OSBPL10: variants seen among roughly 807,000 people sequenced by gnomAD.
OSBPL10 encodes oxysterol binding protein like 10, also known as oxysterol-binding protein-related protein 10.
OSBPL10 carries 49 observed loss-of-function variants against 81.7 expected under a neutral mutation model. The observed-to-expected ratio is 0.60, with a 90% CI of 0.48 to 0.76. The LOEUF (loss-of-function observed/expected upper bound fraction) is 0.76. OSBPL10 is among the 30% of genes least tolerant of loss of function. The pLI is 0.00. For missense variants in OSBPL10, 923 were observed against 987.8 expected, an observed-to-expected ratio of 0.93 and a Z score of 0.88; for synonymous variants, 419 against 383.6, an observed-to-expected ratio of 1.09 and a Z score of -1.08.
chr3:31,785,687 C>T (rs577090512), intron 4 of OSBPL10, among the ~76,000 whole-genome samples: 20 of 152,150 alleles, frequency 1.3e-4, no homozygotes, highest in East Asian at 3.9e-4. Context: ...TAGATTGCCT[C>T]GGCATGTTTC....
At chr3:32,028,282 A>G (rs905852924) in intron 2 of OSBPL10, among the ~76,000 whole-genome samples, 1 of 152,244 alleles carries the variant, frequency 6.6e-6, no homozygotes, top group African/African-American at 2.4e-5. Context: ...CCACTATACT[A>G]AGGAACTCAA....
intron 1 of OSBPL10, among the ~76,000 whole-genome samples, chr3:31,945,831 C>T (rs1014333824): frequency 1.3e-5 from 2 of 152,280 alleles, no homozygotes; most frequent in South Asian, 2.1e-4. Flanking sequence ...GTACGAATAA[C>T]GTATCATGCA....
intron 3 of OSBPL10, among the ~76,000 whole-genome samples, chr3:31,869,354 C>T (rs915057642): frequency 2.0e-5 from 3 of 152,160 alleles, no homozygotes; most frequent in Admixed American, 1.3e-4. Flanking sequence ...ATGGATATAT[C>T]CAATTAATCA....
At chr3:31,932,215 A>G (rs563245731) in intron 1 of OSBPL10, among the ~76,000 whole-genome samples, 3 of 152,226 alleles carry the variant, frequency 2.0e-5, no homozygotes, top group Non-Finnish European at 4.4e-5. Context: ...TTTGCCAATG[A>G]TAAGTTTATG....
chr3:31,846,825 G>T (rs1054039907), intron 3 of OSBPL10, among the ~76,000 whole-genome samples: 2 of 152,082 alleles, frequency 1.3e-5, no homozygotes, highest in Non-Finnish European at 1.5e-5. Flanking sequence ...TCAAAGCTGG[G>T]ATGAAAAACC....
intron 6 of OSBPL10, among the ~76,000 whole-genome samples, chr3:31,728,483 T>TA (rs770108237): frequency 2.6e-5 from 4 of 152,170 alleles, no homozygotes; most frequent in Non-Finnish European, 4.4e-5. Flanking sequence ...ATTTTACCCA[T>TA]AAAAAATATG....
intron 1 of OSBPL10, among the ~76,000 whole-genome samples, chr3:32,072,843 G>A (rs115485779): frequency 4.5e-4 from 68 of 152,212 alleles, no homozygotes; most frequent in Non-Finnish European, 8.8e-4. Context: ...GAAGGCCACC[G>A]CGGTCCTATC....
At chr3:31,817,297 G>A (rs1699861836) in intron 4 of OSBPL10, among the ~76,000 whole-genome samples, 1 of 152,184 alleles carries the variant, frequency 6.6e-6, no homozygotes, top group African/African-American at 2.4e-5. Context: ...AGGGCCCCAA[G>A]GCTTGGCCCC....
chr3:31,759,226 G>C (rs1460380688), intron 4 of OSBPL10, among the ~76,000 whole-genome samples: 1 of 152,132 alleles, frequency 6.6e-6, no homozygotes, highest in African/African-American at 2.4e-5. Flanking sequence ...AGAAGGCAAA[G>C]GATCAGTGAG....
intron 2 of OSBPL10, among the ~76,000 whole-genome samples, chr3:31,992,133 G>T (rs1057480735): frequency 3.5e-5 from 5 of 142,450 alleles, no homozygotes; most frequent in Non-Finnish European, 7.5e-5. Flanking sequence ...GCAACAGAGC[G>T]AGACTCCATC....
intron 1 of OSBPL10, among the ~76,000 whole-genome samples, chr3:31,917,625 A>G (rs959262316): frequency 2.0e-5 from 3 of 150,146 alleles, no homozygotes; most frequent in African/African-American, 7.4e-5. Flanking sequence ...AAAAGAGAAA[A>G]GAAACTAGCT....
chr3:31,873,074 G>C (rs112474039), intron 3 of OSBPL10, among the ~76,000 whole-genome samples: 4 of 152,126 alleles, frequency 2.6e-5, no homozygotes, highest in Non-Finnish European at 4.4e-5. Flanking sequence ...GATCATAAAG[G>C]GGGTAACGAG....
intron 2 of OSBPL10, chr3:31,989,049 A>G: frequency 6.2e-7 from 1 of 1,611,700 alleles, no homozygotes; most frequent in Non-Finnish European, 8.5e-7. Flanking sequence ...AGTGAAGGTC[A>G]CACTGCAGCA....
At chr3:31,864,353 T>C (rs1701124908) in intron 3 of OSBPL10, among the ~76,000 whole-genome samples, 1 of 152,156 alleles carries the variant, frequency 6.6e-6, no homozygotes, top group Admixed American at 6.5e-5. Context: ...GCAATTCTCC[T>C]GCCTCAGCCT....
intron 4 of OSBPL10, among the ~76,000 whole-genome samples, chr3:31,807,394 TAA>T (rs869087940): frequency 2.0e-5 from 2 of 100,564 alleles, no homozygotes; most frequent in East Asian, 5.0e-4. Context: ...AATAAATAAA[TAA>T]ATAAATAAGA....
chr3:31,759,225 A>G (rs1186198516), intron 4 of OSBPL10, among the ~76,000 whole-genome samples: 1 of 152,226 alleles, frequency 6.6e-6, no homozygotes, highest in Non-Finnish European at 1.5e-5. Context: ...TAGAAGGCAA[A>G]GGATCAGTGA....
At chr3:31,947,050 G>A (rs1477863827) in intron 1 of OSBPL10, among the ~76,000 whole-genome samples, 1 of 152,174 alleles carries the variant, frequency 6.6e-6, no homozygotes, top group African/African-American at 2.4e-5. Context: ...GAGCAGACCA[G>A]AAAGGCAGCT....
rs1394368945 is a variant in OSBPL10, at chr3:32,069,580, G to T, written n.185+7816C>A. Among the ~76,000 whole-genome samples, 5 of 152,264 alleles carry T rather than the reference G, an allele frequency of 3.3e-5. No individual in the cohort carries two copies. In the East Asian group the frequency reaches 9.7e-4, roughly 29 times the overall value. On this transcript the variant is annotated intron_variant and non_coding_transcript_variant, in intron 1 of 3. Transcript: ENST00000479173. ...CGCCCTAGACCCAGAGGGTCCAGAAGGCCGCCTTATTCTTAACATGCATTT... is the reference window on the plus strand; with the variant it reads ...CGCCCTAGACCCAGAGGGTCCAGAATGCCGCCTTATTCTTAACATGCATTT...
At chr3:31,814,977 G>C (rs1314535193) in intron 4 of OSBPL10, among the ~76,000 whole-genome samples, 1 of 152,208 alleles carries the variant, frequency 6.6e-6, no homozygotes, top group East Asian at 1.9e-4. Flanking sequence ...AAATATGGCA[G>C]AAGTGAGAGT....
Sources: gnomAD v4.1 joint callset for allele counts (sites outside exome capture counted in the v4.1 genomes callset) on GRCh38, gnomAD v4.1.1 for gene constraint, MANE v1.5 for transcripts, NCBI Gene and HGNC (gene_info 2026-07-23, HGNC 2026-07-21) for gene names.